Variants in ABCC9 observed in about 807,000 individuals in gnomAD.
ABCC9 encodes the protein ATP binding cassette subfamily C member 9.
A neutral mutation model predicts 188.3 loss-of-function variants in ABCC9; 95 were observed. The observed-to-expected ratio is 0.50, with a 90% CI of 0.43 to 0.60. The LOEUF is 0.60. Ranked by LOEUF, ABCC9 falls within the 20% of genes least tolerant of loss-of-function variation. The pLI is 0.00. For missense variants in ABCC9, 1,102 were observed against 1,876.3 expected (o/e 0.59, Z 7.62); for synonymous variants, 659 against 652.7 (o/e 1.01, Z -0.15).
chr12:21,894,073 C>G lies in ABCC9; in HGVS notation c.1761G>C (p.Leu587=), dbSNP rs1194557625. 3.1e-6 allele frequency: 5 copies of G among 1,613,992 alleles called. No homozygotes were observed. Among genetic ancestry groups the G allele is most frequent in the Non-Finnish European group, 3.4e-6 (4 of 1,180,002 alleles). ...LFHILVTPLF[L]LSTVVRFAVK... ...CTGCAAATCTGACCACCGTGGAGAGCAGGAACAGTGGTGTGACCAGGATAT... is the reference window on the plus strand; with the variant it reads ...CTGCAAATCTGACCACCGTGGAGAGGAGGAACAGTGGTGTGACCAGGATAT... Residue 587 remains leucine, a synonymous_variant, in exon 14 of 40, where the codon CTG becomes CTC. Coordinates refer to ENST00000261200, the MANE Select transcript of ABCC9 (RefSeq NM_020297.4).
At chr12:21,928,835 C>A (rs554651204) in intron 4 of ABCC9, among the ~76,000 whole-genome samples, 1 of 152,086 alleles carries the variant, frequency 6.6e-6, no homozygotes, top group Non-Finnish European at 1.5e-5. Context: ...ATTTACAAAG[C>A]TGCGTAGGTT....
chr12:21,865,569 G>A (rs1945735877), intron 18 of ABCC9, among the ~76,000 whole-genome samples: 1 of 152,162 alleles, frequency 6.6e-6, no homozygotes, highest in Non-Finnish European at 1.5e-5. Context: ...TAACTAATTT[G>A]AGGAAGACAG....
intron 5 of ABCC9, chr12:21,924,100 T>C: frequency 2.8e-6 from 1 of 359,642 alleles, no homozygotes; most frequent in Admixed American, 4.6e-5. Flanking sequence ...ATTGCTTCTG[T>C]AAAGGTGAAA....
intron 18 of ABCC9, among the ~76,000 whole-genome samples, chr12:21,864,957 C>A (rs1251713211): frequency 6.6e-6 from 1 of 152,074 alleles, no homozygotes; most frequent in African/African-American, 2.4e-5. Flanking sequence ...ACACACTGGC[C>A]CCTCAGGAGC....
intron 3 of ABCC9, among the ~76,000 whole-genome samples, chr12:21,935,664 T>C (rs1391805462): frequency 6.6e-6 from 1 of 152,122 alleles, no homozygotes; most frequent in Non-Finnish European, 1.5e-5. Flanking sequence ...TGTGAAAAGA[T>C]AGGAACGTAG....
intron 39 of ABCC9, chr12:21,805,058 A>C (rs1941738105): frequency 1.6e-4 from 218 of 1,387,440 alleles, no homozygotes; most frequent in Non-Finnish European, 2.0e-4. Flanking sequence ...CCCTGCAGTT[A>C]GTTCCCTCAT....
chr12:21,873,395 C>G (rs1452632116), intron 17 of ABCC9, among the ~76,000 whole-genome samples: 2 of 151,986 alleles, frequency 1.3e-5, no homozygotes, highest in African/African-American at 4.8e-5. Context: ...ACACTGAAAA[C>G]TATGACATTG....
Position 21,878,739 on chromosome 12 carries a change from AG to A in ABCC9, c.2020-3014del, listed in dbSNP as rs544330900. 3.4e-3 allele frequency among the ~76,000 whole-genome samples: 506 copies of A among 150,054 alleles called. 5 individuals are homozygous for A. The highest frequency in any genetic ancestry group is 0.012 in the African/African-American group (489 of 41,328). On this transcript the variant is annotated intron_variant, in intron 16 of 39. Coordinates refer to ENST00000261200, the MANE Select transcript of ABCC9 (RefSeq NM_020297.4). Reference sequence around the variant, plus strand: ...CTGAAAGTAGCAGGAAAGAACTAAAAGAATGCAATGTCACCTTCTGATTTGG... The same window carrying A: ...CTGAAAGTAGCAGGAAAGAACTAAAAAATGCAATGTCACCTTCTGATTTGG...
intron 39 of ABCC9, chr12:21,805,178 T>C (rs779655875): frequency 1.2e-6 from 2 of 1,613,936 alleles, no homozygotes; most frequent in South Asian, 1.1e-5. Context: ...GATGGTCTAC[T>C]TGTTGGTCAT....
intron 3 of ABCC9, among the ~76,000 whole-genome samples, chr12:21,935,990 A>G (rs1328601549): frequency 1.3e-5 from 2 of 152,086 alleles, no homozygotes; most frequent in African/African-American, 4.8e-5. Flanking sequence ...ATAAAACACA[A>G]CCTCATCACT....
Position 21,895,309 on chromosome 12 carries a change from A to G in ABCC9, c.1625T>C (p.Met542Thr). ...AGCTGCTATGGGAATTGCTGCATTC[A>G]TGAAGACTGTGGAAAGAAATAAAAT... ...FALYTSLSIF[M>T]NAAIPIAAVL... Residue 542 changes from methionine to threonine, a missense_variant, in exon 13 of 40, where the codon ATG (methionine) becomes ACG (threonine). Physicochemically the swap from Met to Thr is moderately conservative, Grantham distance 81 (BLOSUM62 -1). This residue lies in a region of ABCC9 where 258 missense variants were observed against 325.6 expected (regional missense o/e 0.79). Coordinates refer to ENST00000261200, the MANE Select transcript of ABCC9 (RefSeq NM_020297.4). The G allele has an allele frequency of 1.2e-6, 2 of 1,613,632 alleles. No homozygotes were observed. The highest frequency in any genetic ancestry group is 8.5e-7 in the Non-Finnish European group (1 of 1,179,560).
rs117047782 is a variant in ABCC9, at chr12:21,911,845, T to C, written c.1012-867A>G. 8.5e-5 allele frequency among the ~76,000 whole-genome samples: 13 copies of C among 152,124 alleles called. No individual in the cohort carries two copies. The East Asian group carries it at 2.5e-3, about 29-fold the overall frequency. ...AGATATCCGTATGTAATTAGGCTAG[T>C]AGGGACAAAACATCACCAAAGTGTA... On this transcript the variant is annotated intron_variant, in intron 8 of 39. Coordinates refer to ENST00000261200, the MANE Select transcript of ABCC9 (RefSeq NM_020297.4).
At chr12:21,814,502 T>G (rs965764832) in intron 35 of ABCC9, 142 bp downstream of exon 35, 16 of 721,930 alleles carry the variant, frequency 2.2e-5, no homozygotes, top group Non-Finnish European at 3.0e-5. Flanking sequence ...AGCTGTTTAT[T>G]TGGGATATCT....
At position 21,910,933 on chromosome 12, in the gene ABCC9, C is replaced by T. The variant is rs1249450265; in HGVS notation, c.1057G>A (p.Val353Ile). The T allele has an allele frequency of 1.2e-6, 2 of 1,612,400 alleles. No individual in the cohort carries two copies. Among genetic ancestry groups the T allele is most frequent in the Non-Finnish European group, 1.7e-6 (2 of 1,178,822 alleles). ...SSKEFLENAY[V>I]LAVLLFLALI... ...GCCAAGAAGAGAAGAACTGCTAGAA[C>T]GTAAGCGTTTTCAAGAAATTCCTTT... Residue 353 changes from valine to isoleucine, a missense_variant, in exon 9 of 40, where the codon GTT (valine) becomes ATT (isoleucine). Val to Ile is a conservative substitution (Grantham distance 29). Around this residue, in one of 12 missense-constraint regions of ABCC9, gnomAD observed 305 missense variants for 573.0 expected, o/e 0.53. Coordinates refer to ENST00000261200, the MANE Select transcript of ABCC9 (RefSeq NM_020297.4).
intron 30 of ABCC9, among the ~76,000 whole-genome samples, chr12:21,835,469 T>C (rs992656308): frequency 6.6e-6 from 1 of 152,118 alleles, no homozygotes; most frequent in Non-Finnish European, 1.5e-5. Flanking sequence ...AGAGAAGGCT[T>C]ACCACAGTAG....
chr12:21,865,636 C>G (rs1945738652), intron 18 of ABCC9, among the ~76,000 whole-genome samples: 1 of 152,044 alleles, frequency 6.6e-6, no homozygotes, highest in Admixed American at 6.6e-5. Flanking sequence ...GTATTCTGGC[C>G]ATTCAAGTGG....
chr12:21,854,201 C>T (rs1266380599), intron 22 of ABCC9, among the ~76,000 whole-genome samples: 1 of 152,102 alleles, frequency 6.6e-6, no homozygotes, highest in East Asian at 1.9e-4. Flanking sequence ...TAGAGAGAAA[C>T]TGAAGTTTGG....
intron 4 of ABCC9, among the ~76,000 whole-genome samples, chr12:21,930,038 G>A (rs1321290229): frequency 7.4e-6 from 1 of 135,654 alleles, no homozygotes; most frequent in Non-Finnish European, 1.5e-5. Flanking sequence ...CTGTGTCCAA[G>A]TGTTCTCATT....
At chr12:21,905,430 G>T (rs1947993986) in intron 12 of ABCC9, among the ~76,000 whole-genome samples, 1 of 151,350 alleles carries the variant, frequency 6.6e-6, no homozygotes, top group Non-Finnish European at 1.5e-5. Context: ...AAAAAAGAAT[G>T]CTATGATTTC....
Sources: allele counts gnomAD v4.1 joint callset (sites outside exome capture counted in the v4.1 genomes callset), GRCh38; gene constraint gnomAD v4.1.1; regional missense constraint gnomAD v4.1.1; transcripts MANE v1.5; gene names NCBI Gene and HGNC (gene_info 2026-07-23, HGNC 2026-07-21).